The following PDE10A variants were observed in gnomAD, a reference collection of about 807,000 sequenced individuals.
PDE10A encodes cAMP and cAMP-inhibited cGMP 3',5'-cyclic phosphodiesterase 10A.
In PDE10A, 39 loss-of-function variants were observed where a neutral mutation model predicts 97.7. The ratio of observed to expected loss-of-function variants is 0.40; its 90% CI spans 0.31 to 0.52. PDE10A has a LOEUF of 0.52. Among genes scored for constraint, PDE10A ranks in the 20% least tolerant of loss-of-function variants. The probability of loss-of-function intolerance (pLI) is 0.56; values close to 1 mark genes in which losing one functional copy is unlikely to be tolerated. For synonymous variants in PDE10A, 371 were observed against 376.8 expected (o/e 0.98, Z 0.18); for missense variants, 731 against 1,047.8 (o/e 0.70, Z 4.17).
intron 1 of PDE10A, among the ~76,000 whole-genome samples, chr6:165,756,508 T>C (rs1793120362): frequency 1.3e-5 from 2 of 152,198 alleles, no homozygotes; most frequent in Non-Finnish European, 2.9e-5. Context: ...CACTATTATA[T>C]TGCTGTTTTG....
intron 1 of PDE10A, among the ~76,000 whole-genome samples, chr6:165,565,176 A>T (rs373720781): frequency 6.6e-6 from 1 of 152,222 alleles, no homozygotes; most frequent in African/African-American, 2.4e-5. Context: ...TTCACAGATG[A>T]CATGACTGTC....
At chr6:165,830,521 G>A (rs113348310) in intron 1 of PDE10A, among the ~76,000 whole-genome samples, 9 of 152,158 alleles carry the variant, frequency 5.9e-5, no homozygotes, top group African/African-American at 1.2e-4. Flanking sequence ...CCGGTTTGCC[G>A]CATGTCCAGG....
intron 17 of PDE10A, among the ~76,000 whole-genome samples, chr6:165,380,926 C>T (rs187003595): frequency 2.3e-4 from 35 of 152,360 alleles, no homozygotes; most frequent in African/African-American, 7.5e-4. Flanking sequence ...CTATTTCCCA[C>T]TTCATGAACA....
intron 1 of PDE10A, among the ~76,000 whole-genome samples, chr6:165,751,559 G>A (rs1001809634): frequency 2.6e-5 from 4 of 152,188 alleles, no homozygotes; most frequent in African/African-American, 9.7e-5. Context: ...ACCAGGTGGA[G>A]GTAGGAGACT....
chr6:165,923,100 G>A (rs1055231234), intron 1 of PDE10A, among the ~76,000 whole-genome samples: 2 of 152,232 alleles, frequency 1.3e-5, no homozygotes, highest in Non-Finnish European at 1.5e-5. Context: ...AAGATGCTTT[G>A]CTAAAGCTTG....
At chr6:165,471,579 T>C (rs1267510325) in intron 3 of PDE10A, among the ~76,000 whole-genome samples, 1 of 152,124 alleles carries the variant, frequency 6.6e-6, no homozygotes, top group African/African-American at 2.4e-5. Flanking sequence ...CCCTGACCTG[T>C]CCATCCTGCA....
chr6:165,500,046 T>G (rs113819555), intron 2 of PDE10A, among the ~76,000 whole-genome samples: 1,669 of 152,316 alleles, frequency 0.011, 35 homozygotes, highest in Middle Eastern at 0.048. Context: ...CAAGAGCATC[T>G]GATCGCCCCA....
intron 1 of PDE10A, among the ~76,000 whole-genome samples, chr6:165,647,787 G>T (rs535539815): frequency 2.0e-5 from 3 of 152,282 alleles, no homozygotes; most frequent in Middle Eastern, 3.4e-3. Context: ...TTTCGGAAAA[G>T]ACTGTCTCAG....
intron 3 of PDE10A, among the ~76,000 whole-genome samples, chr6:165,463,946 TC>T (rs1778481850): frequency 6.6e-6 from 1 of 152,242 alleles, no homozygotes; most frequent in South Asian, 2.1e-4. Context: ...ATTAGGTCCA[TC>T]CCTTCGTTTC....
At chr6:165,796,194 C>G (rs1778827476) in intron 1 of PDE10A, among the ~76,000 whole-genome samples, 1 of 141,732 alleles carries the variant, frequency 7.1e-6, no homozygotes, top group South Asian at 2.3e-4. Context: ...CTCCCGAGTT[C>G]ACGCCATTCT....
chr6:165,986,625 G>A (rs962714358), intron 1 of PDE10A: 1 of 152,042 alleles, frequency 6.6e-6, no homozygotes, highest in Non-Finnish European at 1.5e-5. Context: ...AGCCGAGAGG[G>A]GAGGAGAGAT....
intron 13 of PDE10A, among the ~76,000 whole-genome samples, chr6:165,409,170 A>C (rs1356216334): frequency 6.6e-6 from 1 of 151,314 alleles, no homozygotes; most frequent in East Asian, 1.9e-4. Flanking sequence ...ATCTCAAAAA[A>C]AAAAAAAAAA....
chr6:165,920,399 A>G (rs1782721243), intron 1 of PDE10A, among the ~76,000 whole-genome samples: 1 of 152,180 alleles, frequency 6.6e-6, no homozygotes, highest in African/African-American at 2.4e-5. Flanking sequence ...CATCTTCTAC[A>G]TGAGTAGCAC....
chr6:165,813,935 T>A (rs1185399688), intron 1 of PDE10A, among the ~76,000 whole-genome samples: 1 of 152,160 alleles, frequency 6.6e-6, no homozygotes, highest in Non-Finnish European at 1.5e-5. Context: ...AAAGGATTCT[T>A]TGGGCAAATG....
At chr6:165,658,724 C>T (rs1402039750) in intron 1 of PDE10A, among the ~76,000 whole-genome samples, 2 of 152,244 alleles carry the variant, frequency 1.3e-5, no homozygotes, top group Non-Finnish European at 2.9e-5. Flanking sequence ...GCTCTCTAGG[C>T]ACAAGAGTTT....
At chr6:165,941,523 C>T (rs1321200774) in intron 1 of PDE10A, among the ~76,000 whole-genome samples, 3 of 152,168 alleles carry the variant, frequency 2.0e-5, no homozygotes, top group Admixed American at 6.5e-5. Context: ...TGCAACATCC[C>T]GGTGGGGGAT....
At chr6:165,483,477 T>C (rs1475371613) in intron 2 of PDE10A, among the ~76,000 whole-genome samples, 1 of 152,232 alleles carries the variant, frequency 6.6e-6, no homozygotes, top group East Asian at 1.9e-4. Context: ...ATCTTCTACA[T>C]TGAAGTGGCA....
At chr6:165,679,905 G>A (rs1028748956) in intron 1 of PDE10A, among the ~76,000 whole-genome samples, 2 of 152,046 alleles carry the variant, frequency 1.3e-5, no homozygotes, top group Non-Finnish European at 2.9e-5. Context: ...TCTGGGGTGG[G>A]TGCTGTTGAG....
At chr6:165,400,456 G>GT (rs1786560545) in intron 13 of PDE10A, among the ~76,000 whole-genome samples, 1 of 152,124 alleles carries the variant, frequency 6.6e-6, no homozygotes, top group Non-Finnish European at 1.5e-5. Context: ...AAATGAAAAT[G>GT]ACCTGTATCC....
Sources: gnomAD v4.1 joint callset for allele counts (sites outside exome capture counted in the v4.1 genomes callset) on GRCh38, gnomAD v4.1.1 for gene constraint, MANE v1.5 for transcripts, NCBI Gene and HGNC (gene_info 2026-07-23, HGNC 2026-07-21) for gene names.